The following TTC7B variants were observed in gnomAD, a reference collection of about 807,000 sequenced individuals.
The protein encoded by TTC7B is tetratricopeptide repeat protein 7B.
In TTC7B, 28 loss-of-function variants were observed where a neutral mutation model predicts 106.8. That is an observed-to-expected ratio of 0.26 (90% CI 0.19 to 0.36). TTC7B has a LOEUF of 0.36. TTC7B is among the 10% of genes least tolerant of loss of function. The pLI is 1.00. For missense variants in TTC7B, 862 were observed against 1,076.4 expected, an observed-to-expected ratio of 0.80 and a Z score of 2.79; for synonymous variants, 405 against 430.6, an observed-to-expected ratio of 0.94 and a Z score of 0.74.
At chr14:90,754,108 G>A (rs142483605) in intron 3 of TTC7B, among the ~76,000 whole-genome samples, 3 of 152,304 alleles carry the variant, frequency 2.0e-5, no homozygotes, top group African/African-American at 7.2e-5. Context: ...GGAACCCTGT[G>A]TGAAAACCCT....
intron 5 of TTC7B, among the ~76,000 whole-genome samples, chr14:90,726,214 C>T (rs1044508347): frequency 1.3e-5 from 2 of 152,290 alleles, no homozygotes; most frequent in African/African-American, 2.4e-5. Context: ...CTCAGAAGGC[C>T]GAGGGGAACC....
At chr14:90,761,363 C>T in intron 3 of TTC7B, among the ~76,000 whole-genome samples, 1 of 152,008 alleles carries the variant, frequency 6.6e-6, no homozygotes. Flanking sequence ...TTTCTGACAA[C>T]CATCACCCCC....
chr14:90,714,211 C>T, intron 5 of TTC7B, among the ~76,000 whole-genome samples: 1 of 148,348 alleles, frequency 6.7e-6, no homozygotes, highest in Non-Finnish European at 1.5e-5. Flanking sequence ...GCCTGGGCAA[C>T]AAGAGCGAAA....
chr14:90,671,856 A>T (rs1886646799), intron 9 of TTC7B, among the ~76,000 whole-genome samples: 1 of 152,236 alleles, frequency 6.6e-6, no homozygotes, highest in Non-Finnish European at 1.5e-5. Flanking sequence ...CGGTCTTGAG[A>T]TGGGAGAGCA....
At chr14:90,633,117 A>G (rs1884772204) in intron 15 of TTC7B, among the ~76,000 whole-genome samples, 1 of 152,224 alleles carries the variant, frequency 6.6e-6, no homozygotes, top group Non-Finnish European at 1.5e-5. Context: ...GTGTCTCAAT[A>G]TCATCTGATG....
At chr14:90,602,194 T>G (rs1892451340) in intron 17 of TTC7B, 2 of 455,980 alleles carry the variant, frequency 4.4e-6, no homozygotes, top group Admixed American at 2.3e-5. Flanking sequence ...CCATGAACAC[T>G]GATTTCCTAG....
At chr14:90,597,324 A>G (rs77067397) in intron 17 of TTC7B, among the ~76,000 whole-genome samples, 267 of 152,282 alleles carry the variant, frequency 1.8e-3, no homozygotes, top group African/African-American at 6.3e-3. Flanking sequence ...GGGGAAGGAA[A>G]AACATCACTT....
intron 15 of TTC7B, among the ~76,000 whole-genome samples, chr14:90,635,299 C>T (rs189006511): frequency 2.0e-5 from 3 of 151,940 alleles, no homozygotes; most frequent in Admixed American, 6.6e-5. Flanking sequence ...AAAATATAAT[C>T]GATCTAAAAG....
chr14:90,806,125 T>C (rs2140061437), intron 1 of TTC7B, among the ~76,000 whole-genome samples: 1 of 152,392 alleles, frequency 6.6e-6, no homozygotes, highest in Non-Finnish European at 1.5e-5. Context: ...GTGGTTGGGA[T>C]ACAGCAATGA....
At chr14:90,603,344 C>T in intron 17 of TTC7B, 2 of 1,260,410 alleles carry the variant, frequency 1.6e-6, no homozygotes, top group Non-Finnish European at 1.0e-6. Flanking sequence ...AACCAAGAAA[C>T]AAAACATTTG....
chr14:90,552,628 GA>G (rs1890135377), intron 19 of TTC7B, among the ~76,000 whole-genome samples: 1 of 152,340 alleles, frequency 6.6e-6, no homozygotes, highest in African/African-American at 2.4e-5. Context: ...AACCCACACA[GA>G]AGGGCAGTGC....
chr14:90,610,068 A>C (rs1414475697), intron 17 of TTC7B, among the ~76,000 whole-genome samples: 1 of 152,244 alleles, frequency 6.6e-6, no homozygotes, highest in African/African-American at 2.4e-5. Flanking sequence ...TTGTGTTTAG[A>C]CTTGGGTCCA....
At chr14:90,543,031 T>C (rs1889673538) in intron 19 of TTC7B, among the ~76,000 whole-genome samples, 1 of 152,254 alleles carries the variant, frequency 6.6e-6, no homozygotes, top group South Asian at 2.1e-4. Context: ...ACATGCAGAA[T>C]GTCCCTCCTT....
chr14:90,724,748 C>T (rs1024999061), intron 5 of TTC7B, among the ~76,000 whole-genome samples: 1 of 152,128 alleles, frequency 6.6e-6, no homozygotes, highest in Non-Finnish European at 1.5e-5. Context: ...TATAAAATAC[C>T]CGGTCTCAGG....
intron 3 of TTC7B, among the ~76,000 whole-genome samples, chr14:90,779,733 T>C (rs1566883815): frequency 1.3e-5 from 2 of 152,252 alleles, no homozygotes; most frequent in African/African-American, 4.8e-5. Flanking sequence ...CCATTACAGA[T>C]TGAGGAAGCA....
intron 5 of TTC7B, among the ~76,000 whole-genome samples, chr14:90,696,592 G>A (rs750363711): frequency 6.6e-5 from 10 of 152,094 alleles, no homozygotes; most frequent in East Asian, 3.9e-4. Context: ...AACTGAATGT[G>A]GGTTCTGTAA....
At chr14:90,645,672 C>A (rs1885414611) in intron 14 of TTC7B, among the ~76,000 whole-genome samples, 1 of 152,172 alleles carries the variant, frequency 6.6e-6, no homozygotes, top group Admixed American at 6.5e-5. Context: ...AAAGCATAGG[C>A]ATGATGTTGA....
intron 5 of TTC7B, among the ~76,000 whole-genome samples, chr14:90,704,528 G>A (rs774807189): frequency 1.1e-4 from 17 of 152,192 alleles, no homozygotes; most frequent in Non-Finnish European, 2.2e-4. Flanking sequence ...AGTCAAACTG[G>A]AAAATGTGAC....
intron 1 of TTC7B, among the ~76,000 whole-genome samples, chr14:90,798,054 G>A (rs1167214329): frequency 6.6e-6 from 1 of 152,166 alleles, no homozygotes; most frequent in East Asian, 1.9e-4. Context: ...GTTAATGCAC[G>A]CAGAGGCTTA....
Sources: allele counts gnomAD v4.1 joint callset (sites outside exome capture counted in the v4.1 genomes callset), GRCh38; gene constraint gnomAD v4.1.1; transcripts MANE v1.5; gene names NCBI Gene and HGNC (gene_info 2026-07-23, HGNC 2026-07-21).